The following PRKG1 variants were observed in gnomAD, a reference collection of about 807,000 sequenced individuals.
The protein encoded by PRKG1 is protein kinase cGMP-dependent 1.
In PRKG1, 35 loss-of-function variants were observed where a neutral mutation model predicts 88.1. That is an observed-to-expected ratio of 0.40 (90% CI 0.30 to 0.53). PRKG1 has a LOEUF of 0.53. Ranked by LOEUF, PRKG1 falls within the 20% of genes least tolerant of loss-of-function variation. The probability of loss-of-function intolerance (pLI) is 0.59; values close to 1 mark genes in which losing one functional copy is unlikely to be tolerated. For missense variants in PRKG1, 540 were observed against 839.8 expected (o/e 0.64, Z 4.41); for synonymous variants, 303 against 292.5 (o/e 1.04, Z -0.37).
chr10:51,883,823 C>T (rs1841494245), intron 4 of PRKG1, among the ~76,000 whole-genome samples: 1 of 152,068 alleles, frequency 6.6e-6, no homozygotes, highest in Non-Finnish European at 1.5e-5. Context: ...GTGTGGCTGC[C>T]TCCACCTTTA....
intron 12 of PRKG1, among the ~76,000 whole-genome samples, chr10:52,275,724 G>A (rs979817187): frequency 1.3e-5 from 2 of 151,984 alleles, no homozygotes; most frequent in African/African-American, 2.4e-5. Context: ...AAGAATGATG[G>A]TGGTATTTTG....
chr10:51,717,405 C>A (rs1841912140), intron 3 of PRKG1, among the ~76,000 whole-genome samples: 1 of 152,138 alleles, frequency 6.6e-6, no homozygotes, highest in South Asian at 2.1e-4. Context: ...AAGAGGGCAG[C>A]TAATTATTTT....
chr10:51,554,014 G>A (rs1046193062), intron 3 of PRKG1, among the ~76,000 whole-genome samples: 7 of 140,802 alleles, frequency 5.0e-5, no homozygotes, highest in East Asian at 2.0e-4. Flanking sequence ...CATATTATAT[G>A]TGCGTATGTG....
intron 2 of PRKG1, among the ~76,000 whole-genome samples, chr10:51,460,457 G>A (rs1380675557): frequency 6.6e-6 from 1 of 152,090 alleles, no homozygotes; most frequent in Non-Finnish European, 1.5e-5. Context: ...TAATACACTT[G>A]ACTTAATTAG....
At chr10:52,193,503 G>A (rs1179483969) in intron 9 of PRKG1, among the ~76,000 whole-genome samples, 5 of 130,720 alleles carry the variant, frequency 3.8e-5, no homozygotes, top group Non-Finnish European at 7.7e-5. Context: ...AGCTGAGATT[G>A]CACTAGTGCA....
intron 11 of PRKG1, 64 bp from the exon 12 acceptor site, chr10:52,272,328 A>G (rs1841749285): frequency 3.8e-6 from 5 of 1,325,364 alleles, no homozygotes; most frequent in Non-Finnish European, 4.2e-6. Context: ...GGGCCCCCCA[A>G]AATTGCACAC....
At chr10:51,640,971 T>A (rs1839784227) in intron 3 of PRKG1, among the ~76,000 whole-genome samples, 1 of 152,150 alleles carries the variant, frequency 6.6e-6, no homozygotes, top group Non-Finnish European at 1.5e-5. Flanking sequence ...TTTGTAACCC[T>A]GACTATACTG....
intron 1 of PRKG1, among the ~76,000 whole-genome samples, chr10:51,088,366 T>A (rs1330559646): frequency 1.3e-5 from 2 of 148,732 alleles, no homozygotes; most frequent in South Asian, 2.1e-4. Context: ...TGGCAGTTAA[T>A]AAAAATTTCT....
chr10:51,656,847 A>G (rs1489432602), intron 3 of PRKG1, among the ~76,000 whole-genome samples: 1 of 152,070 alleles, frequency 6.6e-6, no homozygotes, highest in Non-Finnish European at 1.5e-5. Context: ...CACATCCTAC[A>G]TGCTAGTGTC....
intron 3 of PRKG1, among the ~76,000 whole-genome samples, chr10:51,620,805 C>T (rs1462077989): frequency 1.3e-5 from 2 of 151,666 alleles, no homozygotes; most frequent in Non-Finnish European, 2.9e-5. Context: ...TATGTAACTT[C>T]TTAGGGCCAC....
chr10:51,993,349 T>C (rs930521794), intron 5 of PRKG1, among the ~76,000 whole-genome samples: 1 of 152,152 alleles, frequency 6.6e-6, no homozygotes, highest in African/African-American at 2.4e-5. Flanking sequence ...TCTGCCTGCC[T>C]CTCTTCACAG....
chr10:52,120,871 A>G (rs77350741), intron 7 of PRKG1, among the ~76,000 whole-genome samples: 1 of 152,168 alleles, frequency 6.6e-6, no homozygotes, highest in African/African-American at 2.4e-5. Flanking sequence ...TTGCCCTAGC[A>G]GTGGCTCTCT....
At chr10:51,430,538 G>A (rs960137712) in intron 2 of PRKG1, among the ~76,000 whole-genome samples, 6 of 152,144 alleles carry the variant, frequency 3.9e-5, no homozygotes, top group Non-Finnish European at 7.4e-5. Context: ...TAGCCTCTTT[G>A]ATAAACAGTT....
intron 2 of PRKG1, among the ~76,000 whole-genome samples, chr10:51,171,832 G>A (rs9414850): frequency 0.066 from 9,995 of 152,048 alleles, 694 homozygotes; most frequent in African/African-American, 0.17. Context: ...CACAGCACAT[G>A]TTCAGTATAT....
At chr10:52,036,955 C>T (rs1845630330) in intron 5 of PRKG1, among the ~76,000 whole-genome samples, 1 of 152,272 alleles carries the variant, frequency 6.6e-6, no homozygotes, top group South Asian at 2.1e-4. Context: ...GCTTACCTTC[C>T]ACTGTGAGAG....
chr10:51,458,339 G>C (rs1263682776), intron 2 of PRKG1, among the ~76,000 whole-genome samples: 1 of 151,980 alleles, frequency 6.6e-6, no homozygotes, highest in Non-Finnish European at 1.5e-5. Flanking sequence ...TTAAAATGTA[G>C]TCCTAAGGCT....
rs767693536 is a variant in PRKG1 at position 52,110,927 on chromosome 10, T to C, written c.936-22913T>C. 7.2e-5 allele frequency among the ~76,000 whole-genome samples: 11 copies of C among 152,274 alleles called. 1 individual carries two copies. In the Middle Eastern group the frequency reaches 0.01, roughly 141 times the overall value. On this transcript the variant is annotated intron_variant, in intron 7 of 17. Transcript: ENST00000373980. ...AAGTGCCCAAGCAGAAATGTATCCA[T>C]TGGACTGAGAAAGTACCTAACTAAC...
intron 2 of PRKG1, among the ~76,000 whole-genome samples, chr10:51,464,661 G>A (rs527395700): frequency 1.3e-5 from 2 of 152,082 alleles, no homozygotes; most frequent in East Asian, 3.9e-4. Flanking sequence ...GGAGGCCGAG[G>A]CGGGCGGATC....
At chr10:51,721,277 T>C (rs1171113297) in intron 3 of PRKG1, among the ~76,000 whole-genome samples, 3 of 150,018 alleles carry the variant, frequency 2.0e-5, no homozygotes, top group African/African-American at 7.4e-5. Flanking sequence ...ATTCAATAAA[T>C]GAGTACCTAG....
Sources: allele counts gnomAD v4.1 joint callset (sites outside exome capture counted in the v4.1 genomes callset), GRCh38; gene constraint gnomAD v4.1.1; transcripts MANE v1.5; gene names NCBI Gene and HGNC (gene_info 2026-07-23, HGNC 2026-07-21).